Variants in ELP3 observed in about 807,000 individuals in gnomAD.
ELP3 encodes the protein elongator complex protein 3.
ELP3 carries 56 observed loss-of-function variants against 74.9 expected under a neutral mutation model. The ratio of observed to expected loss-of-function variants is 0.75; its 90% CI spans 0.60 to 0.93. The LOEUF is 0.93. Ranked by LOEUF, ELP3 falls within the 40% of genes least tolerant of loss-of-function variation. The pLI, the probability that ELP3 is intolerant of heterozygous loss-of-function variation, is 0.00. For synonymous variants in ELP3, 222 were observed against 239.8 expected, an observed-to-expected ratio of 0.93 and a Z score of 0.68; for missense variants, 573 against 686.5, an observed-to-expected ratio of 0.83 and a Z score of 1.85.
intron 1 of ELP3, chr8:28,093,609 T>A (rs1563241837): frequency 8.2e-6 from 2 of 242,934 alleles, no homozygotes; most frequent in Non-Finnish European, 1.6e-5. Context: ...AAAGCCTTAT[T>A]TTAAGATATT....
At position 28,156,421 on chromosome 8, in the gene ELP3, A is replaced by G. The variant is rs74793746; in HGVS notation, c.1191+389A>G. Among the ~76,000 whole-genome samples, 1,404 of 152,352 alleles carry G rather than the reference A, an allele frequency of 9.2e-3. 13 individuals are homozygous for G. Among genetic ancestry groups the G allele is most frequent in the Non-Finnish European group, 0.014 (952 of 68,038 alleles). Reference sequence around the variant, plus strand: ...GCATGAAATAATTGCCAAAACTGCTATTGCCCCACATATACCAGTCTCCTA... The same window carrying G: ...GCATGAAATAATTGCCAAAACTGCTGTTGCCCCACATATACCAGTCTCCTA... On this transcript the variant is annotated intron_variant, in intron 11 of 14. Transcript: ENST00000256398.
At chr8:28,151,190 C>T (rs1813630041) in intron 10 of ELP3, among the ~76,000 whole-genome samples, 1 of 152,196 alleles carries the variant, frequency 6.6e-6, no homozygotes, top group Non-Finnish European at 1.5e-5. Flanking sequence ...TATCTCAAGC[C>T]TAGAGATTCT....
At chr8:28,178,644 C>T (rs549084616) in intron 14 of ELP3, among the ~76,000 whole-genome samples, 2 of 152,270 alleles carry the variant, frequency 1.3e-5, no homozygotes, top group East Asian at 3.9e-4. Context: ...CACATAAGGA[C>T]ATATTTCTGT....
chr8:28,143,294 C>A (rs544111489), intron 10 of ELP3, among the ~76,000 whole-genome samples: 1 of 152,140 alleles, frequency 6.6e-6, no homozygotes, highest in Non-Finnish European at 1.5e-5. Context: ...TATACTCCCC[C>A]CCAACAGTCT....
At chr8:28,102,328 C>T (rs903299768) in intron 3 of ELP3, among the ~76,000 whole-genome samples, 4 of 152,192 alleles carry the variant, frequency 2.6e-5, no homozygotes, top group African/African-American at 7.2e-5. Flanking sequence ...ATGGTACCAC[C>T]GTGCACTCAG....
intron 1 of ELP3, among the ~76,000 whole-genome samples, chr8:28,096,414 A>G (rs560725021): frequency 6.6e-6 from 1 of 152,380 alleles, no homozygotes; most frequent in East Asian, 1.9e-4. Flanking sequence ...GTTGGGAACC[A>G]CTGCTCTACA....
intron 10 of ELP3, among the ~76,000 whole-genome samples, chr8:28,154,961 G>C (rs1813772004): frequency 6.6e-6 from 1 of 152,150 alleles, no homozygotes; most frequent in Non-Finnish European, 1.5e-5. Flanking sequence ...TACTTGTATA[G>C]CTTTTAAAGC....
intron 10 of ELP3, among the ~76,000 whole-genome samples, chr8:28,139,416 G>C (rs1030769609): frequency 1.3e-5 from 2 of 152,126 alleles, no homozygotes; most frequent in Non-Finnish European, 2.9e-5. Context: ...CCAACATATA[G>C]GTACATGTAG....
chr8:28,098,162 C>T (rs1049305124), intron 2 of ELP3, among the ~76,000 whole-genome samples: 1 of 152,074 alleles, frequency 6.6e-6, no homozygotes, highest in African/African-American at 2.4e-5. Flanking sequence ...CTTGGACTTT[C>T]CTACAGTCTC....
intron 3 of ELP3, among the ~76,000 whole-genome samples, chr8:28,102,896 G>A (rs1327133830): frequency 3.9e-5 from 6 of 152,146 alleles, no homozygotes; most frequent in South Asian, 2.1e-4. Context: ...GTGGCCGGGC[G>A]CAGTGGCTTA....
intron 3 of ELP3, among the ~76,000 whole-genome samples, chr8:28,101,851 A>G (rs764947265): frequency 2.0e-5 from 3 of 152,162 alleles, no homozygotes; most frequent in Admixed American, 2.0e-4. Context: ...CAGCCTCCCA[A>G]AGTGCTGGGA....
intron 14 of ELP3, among the ~76,000 whole-genome samples, chr8:28,170,618 A>G (rs986382316): frequency 1.3e-5 from 2 of 152,188 alleles, no homozygotes; most frequent in African/African-American, 4.8e-5. Context: ...CTGAGGATAC[A>G]TGGTTTCCCT....
At chr8:28,171,329 C>T (rs957830718) in intron 14 of ELP3, among the ~76,000 whole-genome samples, 3 of 147,150 alleles carry the variant, frequency 2.0e-5, no homozygotes, top group South Asian at 2.2e-4. Flanking sequence ...TTCTCTACAT[C>T]TTTGCCAACA....
chr8:28,104,059 T>A (rs6558038), intron 3 of ELP3, among the ~76,000 whole-genome samples: 80,837 of 152,126 alleles, frequency 0.53, 22,372 homozygotes, highest in East Asian at 0.89. Context: ...TTCTCATAGT[T>A]GAACAGTGGT....
intron 14 of ELP3, among the ~76,000 whole-genome samples, chr8:28,172,171 T>G (rs1416163029): frequency 6.6e-6 from 1 of 152,142 alleles, no homozygotes; most frequent in Non-Finnish European, 1.5e-5. Context: ...CATGGCTGTT[T>G]TTATTTCAGC....
intron 7 of ELP3, among the ~76,000 whole-genome samples, chr8:28,118,633 A>G (rs1470573305): frequency 6.6e-6 from 1 of 152,204 alleles, no homozygotes; most frequent in Non-Finnish European, 1.5e-5. Context: ...AAAGACCGGT[A>G]GTGGGATCTG....
intron 10 of ELP3, among the ~76,000 whole-genome samples, chr8:28,144,770 G>T (rs1443773019): frequency 6.6e-6 from 1 of 152,228 alleles, no homozygotes; most frequent in Non-Finnish European, 1.5e-5. Context: ...TGGGCGTGGT[G>T]GCTCACGCCT....
chr8:28,155,894 A>C (rs770553945), intron 10 of ELP3, 48 bp from the exon 11 acceptor site: 1 of 1,465,420 alleles, frequency 6.8e-7, no homozygotes, highest in Admixed American at 1.7e-5. Context: ...ACTGCTGTGG[A>C]GAATGATTTC....
intron 2 of ELP3, among the ~76,000 whole-genome samples, chr8:28,097,618 G>A (rs1010587434): frequency 1.3e-5 from 2 of 152,124 alleles, no homozygotes; most frequent in African/African-American, 2.4e-5. Flanking sequence ...GGACGGTCTC[G>A]ATCTCCTGAC....
Sources: gnomAD v4.1 joint callset for allele counts (sites outside exome capture counted in the v4.1 genomes callset) on GRCh38, gnomAD v4.1.1 for gene constraint, MANE v1.5 for transcripts, NCBI Gene and HGNC (gene_info 2026-07-23, HGNC 2026-07-21) for gene names.